PCBP3: variants seen among roughly 807,000 people sequenced by gnomAD.
PCBP3 encodes poly(rC)-binding protein 3.
PCBP3 carries 25 observed loss-of-function variants against 52.7 expected under a neutral mutation model. The observed-to-expected ratio is 0.47, with a 90% confidence interval of 0.35 to 0.66. The LOEUF is 0.66. Ranked by LOEUF, PCBP3 falls within the 30% of genes least tolerant of loss-of-function variation. PCBP3 has a pLI of 0.01. For missense variants in PCBP3, 391 were observed against 490.3 expected, an observed-to-expected ratio of 0.80 and a Z score of 1.91; for synonymous variants, 162 against 183.0, an observed-to-expected ratio of 0.89 and a Z score of 0.93.
Position 45,735,462 on chromosome 21 carries a change from C to T in PCBP3, c.-162+33C>T, listed in dbSNP as rs1328329551. ...GTGCTTCTTATGATGCTGTCACAGG[C>T]GATATTTTTAGACTAAACGACTCTT... On this transcript the variant is annotated intron_variant, in intron 3 of 17. Transcript: ENST00000681687. The surrounding 1 kb of genome is among the most constrained non-coding windows in gnomAD (Gnocchi z 4.0). 4 of 152,082 alleles carry T rather than the reference C, an allele frequency of 2.6e-5. No individual in the cohort carries two copies. The highest frequency in any genetic ancestry group is 1.9e-4 in the East Asian group (1 of 5,194). 9.4% of individuals were successfully genotyped at this position (152,082 alleles called of 1,614,324 possible). A position where few individuals can be genotyped will look rare whatever the true frequency, so the allele number is the denominator to read the frequency against.
intron 4 of PCBP3, among the ~76,000 whole-genome samples, chr21:45,768,402 G>A (rs893014726): frequency 1.3e-5 from 2 of 152,234 alleles, no homozygotes; most frequent in African/African-American, 4.8e-5. Flanking sequence ...CTGTTGCTCA[G>A]TGGAAATCAC....
At chr21:45,723,212 G>A (rs1214962211) in intron 2 of PCBP3, among the ~76,000 whole-genome samples, 1 of 152,196 alleles carries the variant, frequency 6.6e-6, no homozygotes, top group African/African-American at 2.4e-5. Context: ...ATCCTAGAGA[G>A]TGGCTCTGAG....
intron 2 of PCBP3, among the ~76,000 whole-genome samples, chr21:45,710,096 C>T (rs1222730777): frequency 6.6e-6 from 1 of 152,128 alleles, no homozygotes; most frequent in East Asian, 1.9e-4. Context: ...ACCTTGATCA[C>T]CTGGCTGAGG....
At chr21:45,646,078 TCTC>T in intron 1 of PCBP3, among the ~76,000 whole-genome samples, 1 of 112,252 alleles carries the variant, frequency 8.9e-6, no homozygotes, top group African/African-American at 3.6e-5. Context: ...TCTCTCTCTC[TCTC>T]TTTCTCTCTC....
At chr21:45,867,146 G>C (rs755938817) in intron 5 of PCBP3, among the ~76,000 whole-genome samples, 16 of 152,200 alleles carry the variant, frequency 1.1e-4, no homozygotes, top group Admixed American at 1.0e-3. Context: ...GCTGTTTAAC[G>C]TGGTCTTTTT....
At chr21:45,787,132 A>T (rs1210005154) in intron 4 of PCBP3, among the ~76,000 whole-genome samples, 1 of 152,258 alleles carries the variant, frequency 6.6e-6, no homozygotes, top group East Asian at 1.9e-4. Flanking sequence ...TGGAAATCAT[A>T]AAATGCTTGA....
intron 5 of PCBP3, among the ~76,000 whole-genome samples, chr21:45,891,367 G>T (rs572580655): frequency 4.6e-5 from 7 of 152,370 alleles, no homozygotes; most frequent in Non-Finnish European, 1.0e-4. Context: ...CACTGGTTGA[G>T]TGGAAGAGCC....
chr21:45,835,999 T>C (rs778789399), intron 4 of PCBP3, among the ~76,000 whole-genome samples: 4 of 152,092 alleles, frequency 2.6e-5, no homozygotes, highest in Non-Finnish European at 5.9e-5. Flanking sequence ...TTTCAGAATA[T>C]GAGCAAGAAG....
In PCBP3 at chr21:45,807,930, A is replaced by G. The variant is rs151288065; in HGVS notation, c.-125-42031A>G. ...CATCTGATCTTTGATACACCTGACA[A>G]AAACAAGCAGTGGGGAAAGGATTCC... On this transcript the variant is annotated intron_variant, in intron 4 of 17. Transcript: ENST00000681687. Among the ~76,000 whole-genome samples, 4 of 152,320 alleles carry G rather than the reference A, an allele frequency of 2.6e-5. No individual in the cohort carries two copies. The East Asian group carries it at 5.8e-4, about 22-fold the overall frequency.
At chr21:45,696,762 G>A (rs887677088) in intron 2 of PCBP3, among the ~76,000 whole-genome samples, 2 of 151,154 alleles carry the variant, frequency 1.3e-5, no homozygotes, top group Admixed American at 1.3e-4. Context: ...TTGCATTCCA[G>A]CCTGGCCACA....
intron 4 of PCBP3, among the ~76,000 whole-genome samples, chr21:45,807,023 A>G (rs1040293690): frequency 6.6e-6 from 1 of 152,192 alleles, no homozygotes; most frequent in Non-Finnish European, 1.5e-5. Context: ...CCTTTCAAGA[A>G]AGTCAGCTTT....
intron 1 of PCBP3, among the ~76,000 whole-genome samples, chr21:45,646,079 C>CTT (rs2079243874): frequency 6.0e-4 from 68 of 113,098 alleles, no homozygotes; most frequent in South Asian, 2.0e-3. Context: ...CTCTCTCTCT[C>CTT]TCTTTCTCTC....
chr21:45,803,604 A>G (rs948938179), intron 4 of PCBP3, among the ~76,000 whole-genome samples: 2 of 152,204 alleles, frequency 1.3e-5, no homozygotes, highest in Non-Finnish European at 2.9e-5. Flanking sequence ...AAATGCAAAC[A>G]GGACACTGAG....
intron 4 of PCBP3, among the ~76,000 whole-genome samples, chr21:45,776,353 T>C (rs76342928): frequency 0.036 from 5,443 of 152,224 alleles, 314 homozygotes; most frequent in African/African-American, 0.12. Flanking sequence ...TAATGTTTCT[T>C]TGTTGATTTT....
chr21:45,809,688 G>T (rs2092623649), intron 4 of PCBP3, among the ~76,000 whole-genome samples: 1 of 152,254 alleles, frequency 6.6e-6, no homozygotes, highest in Non-Finnish European at 1.5e-5. Context: ...CAGCTGCTAT[G>T]CTGCGATCCG....
rs934283841 is a variant in PCBP3, at chr21:45,672,977, C to T, written c.-200+4025C>T. On this transcript the variant is annotated intron_variant, in intron 2 of 17. Coordinates refer to ENST00000681687, the MANE Select transcript of PCBP3 (RefSeq NM_001384156.1). ...CAGTTGGCATTCCTTTTTCTCTTCCCCCTGAGCTGGAGGCTGGGTGTGTGC... is the reference window on the plus strand; with the variant it reads ...CAGTTGGCATTCCTTTTTCTCTTCCTCCTGAGCTGGAGGCTGGGTGTGTGC... Among the ~76,000 whole-genome samples, 3 of 152,098 alleles carry T rather than the reference C, an allele frequency of 2.0e-5. No homozygotes were observed. The East Asian group carries it at 5.8e-4, about 29-fold the overall frequency.
chr21:45,646,907 T>A (rs1402432875), intron 1 of PCBP3, among the ~76,000 whole-genome samples: 1 of 152,244 alleles, frequency 6.6e-6, no homozygotes, highest in Non-Finnish European at 1.5e-5. Context: ...GTTGGGCTAC[T>A]GAGTGGTTGC....
At chr21:45,894,358 G>C (rs920358028) in intron 5 of PCBP3, among the ~76,000 whole-genome samples, 1 of 152,148 alleles carries the variant, frequency 6.6e-6, no homozygotes, top group African/African-American at 2.4e-5. Flanking sequence ...CCTCTGATGG[G>C]GAGGAGAGTT....
intron 5 of PCBP3, among the ~76,000 whole-genome samples, chr21:45,890,439 A>G (rs1379101483): frequency 6.6e-6 from 1 of 151,892 alleles, no homozygotes; most frequent in Non-Finnish European, 1.5e-5. Flanking sequence ...TGCTCAGGGG[A>G]ATGTGGATAA....
Sources: allele counts gnomAD v4.1 joint callset (sites outside exome capture counted in the v4.1 genomes callset), GRCh38; gene constraint gnomAD v4.1.1; non-coding constraint Gnocchi (gnomAD v3.1); transcripts MANE v1.5; gene names NCBI Gene and HGNC (gene_info 2026-07-23, HGNC 2026-07-21).